Variants in SLC30A9 observed in about 807,000 individuals in gnomAD.
SLC30A9 encodes solute carrier family 30 member 9.
SLC30A9 carries 58 observed loss-of-function variants against 87.5 expected under a neutral mutation model. That is an observed-to-expected ratio of 0.66 (90% CI 0.54 to 0.82). The LOEUF (loss-of-function observed/expected upper bound fraction) is 0.82, where lower values mean the gene tolerates loss of function less well. Among genes scored for constraint, SLC30A9 ranks in the 40% least tolerant of loss-of-function variants. The pLI, the probability that SLC30A9 is intolerant of heterozygous loss-of-function variation, is 0.00. For synonymous variants in SLC30A9, 234 were observed against 233.0 expected (o/e 1.00, Z -0.04); for missense variants, 557 against 679.1 (o/e 0.82, Z 2.00).
At chr4:42,026,385 T>C (rs1350722623) in intron 6 of SLC30A9, among the ~76,000 whole-genome samples, 2 of 152,232 alleles carry the variant, frequency 1.3e-5, no homozygotes, top group Admixed American at 1.3e-4. Flanking sequence ...TGGGCACTTA[T>C]ATATGGTAAT....
intron 1 of SLC30A9, among the ~76,000 whole-genome samples, chr4:41,998,341 G>A (rs1490834131): frequency 6.6e-6 from 1 of 152,152 alleles, no homozygotes; most frequent in Non-Finnish European, 1.5e-5. Flanking sequence ...AGAATAGTAA[G>A]TGCCAGAGTA....
intron 1 of SLC30A9, among the ~76,000 whole-genome samples, chr4:41,991,898 A>G (rs1183124581): frequency 6.6e-6 from 1 of 152,222 alleles, no homozygotes; most frequent in African/African-American, 2.4e-5. Context: ...TTTATTTGCA[A>G]TAAATGTAAA....
rs1339011915 is a variant in SLC30A9, at chr4:42,039,106, T to A, written c.737+53T>A. The A allele has an allele frequency of 3.1e-6, 4 of 1,271,288 alleles. No homozygotes were observed. In the Admixed American group the frequency reaches 6.8e-5, roughly 22 times the overall value. The allele number at this position is 1,271,288 out of a possible 1,614,324, so 78.8% of individuals were successfully genotyped here. ...AATAGAATATATTCTTTTAAATATG[T>A]ATATCCTTAAATATGTAAATTTATT... On this transcript the variant is annotated intron_variant, in intron 8 of 17. Coordinates refer to ENST00000264451, the MANE Select transcript of SLC30A9 (RefSeq NM_006345.4).
intron 9 of SLC30A9, among the ~76,000 whole-genome samples, 173 bp downstream of exon 9, chr4:42,049,652 G>A (rs1042424009): frequency 6.6e-6 from 1 of 152,158 alleles, no homozygotes; most frequent in African/African-American, 2.4e-5. Context: ...GTATTTTAAA[G>A]CAGATTGTTA....
intron 6 of SLC30A9, among the ~76,000 whole-genome samples, chr4:42,027,065 G>A (rs1716222728): frequency 6.6e-6 from 1 of 152,088 alleles, no homozygotes; most frequent in Non-Finnish European, 1.5e-5. Flanking sequence ...ACTTTTGCCG[G>A]TGTTACGGCA....
At chr4:42,017,246 C>T (rs1455140071) in intron 2 of SLC30A9, among the ~76,000 whole-genome samples, 5 of 151,922 alleles carry the variant, frequency 3.3e-5, no homozygotes, top group Non-Finnish European at 4.4e-5. Flanking sequence ...CAAGATTGTC[C>T]TTCCTATTTT....
intron 17 of SLC30A9, among the ~76,000 whole-genome samples, chr4:42,082,691 T>C (rs1314591921): frequency 3.9e-5 from 6 of 152,004 alleles, no homozygotes; most frequent in Non-Finnish European, 7.4e-5. Flanking sequence ...CTACTAAAAA[T>C]AGAAAAATTA....
intron 17 of SLC30A9, among the ~76,000 whole-genome samples, chr4:42,079,951 G>GA (rs529028109): frequency 3.0e-4 from 46 of 152,034 alleles, no homozygotes; most frequent in Non-Finnish European, 5.9e-4. Flanking sequence ...TTTCCAAAAT[G>GA]AAAAAACGTA....
At chr4:42,044,233 C>T (rs894118865) in intron 8 of SLC30A9, among the ~76,000 whole-genome samples, 3 of 152,038 alleles carry the variant, frequency 2.0e-5, no homozygotes, top group African/African-American at 7.2e-5. Flanking sequence ...TAGAAACAGG[C>T]TAAATGCCCC....
At chr4:42,035,377 C>A in intron 7 of SLC30A9, 44 bp downstream of exon 7, 2 of 1,582,644 alleles carry the variant, frequency 1.3e-6, no homozygotes, top group South Asian at 2.3e-5. Context: ...TGTTGCACAG[C>A]AAAATTCTAA....
At chr4:42,029,427 A>G (rs1716328530) in intron 6 of SLC30A9, 3 of 573,160 alleles carry the variant, frequency 5.2e-6, no homozygotes, top group Non-Finnish European at 1.0e-5. Flanking sequence ...ACCACATATC[A>G]GGACCCCCAC....
intron 1 of SLC30A9, 105 bp from the exon 2 acceptor site, chr4:42,001,511 T>C: frequency 1.8e-6 from 1 of 548,262 alleles, no homozygotes; most frequent in South Asian, 3.8e-5. Flanking sequence ...TGGTATTTCA[T>C]GTGTACCTAG....
intron 6 of SLC30A9, among the ~76,000 whole-genome samples, chr4:42,031,409 T>G (rs188156955): frequency 4.6e-5 from 7 of 152,356 alleles, no homozygotes; most frequent in African/African-American, 1.4e-4. Context: ...GTTGAGCAGC[T>G]TTCTCCTGAC....
chr4:42,010,431 T>G (rs1715389751), intron 2 of SLC30A9, among the ~76,000 whole-genome samples: 1 of 152,138 alleles, frequency 6.6e-6, no homozygotes, highest in African/African-American at 2.4e-5. Context: ...GAGCCCTGAT[T>G]GTGCCACTAC....
chr4:41,997,038 A>AAATAAAT (rs1224082374), intron 1 of SLC30A9, among the ~76,000 whole-genome samples: 2 of 135,546 alleles, frequency 1.5e-5, no homozygotes, highest in Non-Finnish European at 3.3e-5. Flanking sequence ...CATCTCAAAT[A>AAATAAAT]AATAAATAAA....
At chr4:42,024,359 T>C (rs2153135811) in intron 6 of SLC30A9, among the ~76,000 whole-genome samples, 1 of 152,278 alleles carries the variant, frequency 6.6e-6, no homozygotes, top group African/African-American at 2.4e-5. Context: ...ATATTGTACA[T>C]CTTGCTCTTT....
At chr4:42,071,675 CAAAAA>C (rs56891419) in intron 15 of SLC30A9, among the ~76,000 whole-genome samples, 10 of 125,412 alleles carry the variant, frequency 8.0e-5, no homozygotes, top group South Asian at 2.4e-4. Context: ...AACCCTGTCT[CAAAAA>C]AAAAAAAAAA....
chr4:42,027,459 C>T (rs1716242652), intron 6 of SLC30A9, among the ~76,000 whole-genome samples: 1 of 107,138 alleles, frequency 9.3e-6, no homozygotes, highest in Admixed American at 1.3e-4. Context: ...TATCCTTGTA[C>T]ATGACCTTTT....
At chr4:42,062,854 T>G (rs955641619) in intron 10 of SLC30A9, 132 bp from the exon 11 acceptor site, 1 of 770,770 alleles carries the variant, frequency 1.3e-6, no homozygotes, top group African/African-American at 1.8e-5. Context: ...AGTTTGGCAC[T>G]TAACATCTTA....
Sources: gnomAD v4.1 joint callset for allele counts (sites outside exome capture counted in the v4.1 genomes callset) on GRCh38, gnomAD v4.1.1 for gene constraint, MANE v1.5 for transcripts, NCBI Gene and HGNC (gene_info 2026-07-23, HGNC 2026-07-21) for gene names.